Variants in ITPR1 observed in about 807,000 individuals in gnomAD.
ITPR1 encodes the protein inositol 1,4,5-trisphosphate receptor type 1, also known as inositol 1,4,5-trisphosphate-gated calcium channel ITPR1.
A neutral mutation model predicts 318.4 loss-of-function variants in ITPR1; 96 were observed. That is an observed-to-expected ratio of 0.30 (90% CI 0.26 to 0.36). ITPR1 has a LOEUF of 0.36. Among genes scored for constraint, ITPR1 ranks in the 10% least tolerant of loss-of-function variants. The pLI is 1.00. For missense variants in ITPR1, 2,440 were observed against 3,460.2 expected (o/e 0.71, Z 7.40); for synonymous variants, 1,312 against 1,289.9 (o/e 1.02, Z -0.37).
chr3:4,580,730 C>CA (rs2089245712), intron 4 of ITPR1, among the ~76,000 whole-genome samples: 1 of 152,192 alleles, frequency 6.6e-6, no homozygotes, highest in South Asian at 2.1e-4. Context: ...AACAGATCCT[C>CA]AGTGAGCAAG....
chr3:4,753,426 C>G (rs1415111548), intron 44 of ITPR1, among the ~76,000 whole-genome samples: 2 of 152,158 alleles, frequency 1.3e-5, no homozygotes, highest in Non-Finnish European at 2.9e-5. Context: ...CTGCCCTGCT[C>G]TAACCGCTTG....
chr3:4,681,252 G>T lies in ITPR1; in HGVS notation c.3107-112G>T, dbSNP rs936352593. 1.1e-5 allele frequency: 8 copies of T among 723,090 alleles called. No homozygotes were observed. The African/African-American group carries it at 1.4e-4, about 13-fold the overall frequency. 44.8% of individuals were successfully genotyped at this position (723,090 alleles called of 1,614,324 possible). A position where few individuals can be genotyped will look rare whatever the true frequency, so the allele number is the denominator to read the frequency against. On this transcript the variant is annotated intron_variant, in intron 25 of 61. Transcript: ENST00000649015. ...CATAGCTTTGCAATATAATGTTCTG[G>T]GAGATTTGGGGTTAACTCAACAGCT... is the stretch of plus-strand genomic sequence containing the variant.
At chr3:4,671,481 A>G (rs1366981482) in intron 20 of ITPR1, 1 of 152,206 alleles carries the variant, frequency 6.6e-6, no homozygotes, top group Non-Finnish European at 1.5e-5. Context: ...ACACCATAGG[A>G]TTTATTCTAG....
At chr3:4,802,707 T>C (rs2048311600) in intron 54 of ITPR1, among the ~76,000 whole-genome samples, 2 of 152,054 alleles carry the variant, frequency 1.3e-5, no homozygotes, top group East Asian at 1.9e-4. Context: ...TGCATGCTTG[T>C]AATCCCAGCT....
At chr3:4,757,620 G>A (rs1161882148) in intron 44 of ITPR1, among the ~76,000 whole-genome samples, 1 of 152,180 alleles carries the variant, frequency 6.6e-6, no homozygotes, top group Non-Finnish European at 1.5e-5. Context: ...CACTTATTAG[G>A]TGGATGACTC....
At chr3:4,662,399 T>C (rs780094075) in intron 15 of ITPR1, among the ~76,000 whole-genome samples, 157 bp downstream of exon 15, 1 of 152,100 alleles carries the variant, frequency 6.6e-6, no homozygotes, top group Non-Finnish European at 1.5e-5. Flanking sequence ...TTTTAAGAAA[T>C]AGTACTTTTG....
intron 61 of ITPR1, among the ~76,000 whole-genome samples, chr3:4,839,462 C>T (rs2051178307): frequency 6.6e-6 from 1 of 152,186 alleles, no homozygotes; most frequent in African/African-American, 2.4e-5. Context: ...GCAGGAGCTC[C>T]TGATCATCCA....
intron 4 of ITPR1, among the ~76,000 whole-genome samples, chr3:4,603,916 A>T (rs980403357): frequency 6.6e-6 from 1 of 152,218 alleles, no homozygotes; most frequent in Non-Finnish European, 1.5e-5. Flanking sequence ...AGAAATCTCC[A>T]AACTGCTGAA....
intron 60 of ITPR1, among the ~76,000 whole-genome samples, chr3:4,832,617 A>C (rs1292243009): frequency 6.6e-6 from 1 of 152,188 alleles, no homozygotes; most frequent in Admixed American, 6.5e-5. Flanking sequence ...CCTGGGTGAC[A>C]CACCAAGACT....
intron 34 of ITPR1, among the ~76,000 whole-genome samples, chr3:4,699,122 G>A (rs747257421): frequency 2.6e-5 from 4 of 152,004 alleles, no homozygotes; most frequent in African/African-American, 4.8e-5. Context: ...GCCTAGGTGG[G>A]CAGATCCATT....
chr3:4,700,906 C>G (rs1209711478), intron 35 of ITPR1, among the ~76,000 whole-genome samples: 1 of 152,130 alleles, frequency 6.6e-6, no homozygotes, highest in Non-Finnish European at 1.5e-5. Context: ...CTTTATAAAA[C>G]CATCAGATCA....
intron 42 of ITPR1, among the ~76,000 whole-genome samples, chr3:4,728,492 G>C (rs1189038126): frequency 6.6e-6 from 1 of 151,978 alleles, no homozygotes; most frequent in Non-Finnish European, 1.5e-5. Context: ...GTATTTATAG[G>C]GTACATGAGA....
chr3:4,800,102 C>T (rs141606358), intron 53 of ITPR1: 23 of 342,910 alleles, frequency 6.7e-5, no homozygotes, highest in Middle Eastern at 8.1e-4. Flanking sequence ...GCAGGGAGTA[C>T]GGAGGAGGAG....
At chr3:4,806,604 C>A (rs996531279) in intron 55 of ITPR1, among the ~76,000 whole-genome samples, 2 of 152,190 alleles carry the variant, frequency 1.3e-5, no homozygotes, top group Non-Finnish European at 2.9e-5. Context: ...GCCGCACTTA[C>A]ACCAAGAGGA....
At chr3:4,749,934 TC>T (rs1306325888) in intron 44 of ITPR1, 1 of 152,800 alleles carries the variant, frequency 6.5e-6, no homozygotes, top group Non-Finnish European at 1.5e-5. Context: ...GATTTGTGTT[TC>T]CCTGTGCAGT....
At chr3:4,701,841 G>A (rs2094659256) in intron 35 of ITPR1, among the ~76,000 whole-genome samples, 1 of 152,168 alleles carries the variant, frequency 6.6e-6, no homozygotes, top group South Asian at 2.1e-4. Flanking sequence ...GTTTATCAGG[G>A]AGGTTCTGAA....
chr3:4,669,004 A>G (rs987271561), intron 18 of ITPR1, among the ~76,000 whole-genome samples: 2 of 152,056 alleles, frequency 1.3e-5, no homozygotes, highest in Admixed American at 1.3e-4. Flanking sequence ...GCGGGAAGCA[A>G]TTTACAATGT....
In ITPR1 at chr3:4,699,979, A is replaced by G. The variant is rs1287422374; in HGVS notation, c.4536+38A>G. 3.1e-6 allele frequency: 5 copies of G among 1,594,114 alleles called. No homozygotes were observed. The African/African-American group carries it at 5.4e-5, about 17-fold the overall frequency. On this transcript the variant is annotated intron_variant, in intron 35 of 61. Transcript: ENST00000649015. ...CAACGTCAAGCAGAATGTTCACGAT[A>G]CACCTTCTGCAGTTGGGCTTGATGT...
intron 4 of ITPR1, among the ~76,000 whole-genome samples, chr3:4,522,822 C>G (rs763531347): frequency 1.5e-4 from 23 of 152,186 alleles, no homozygotes; most frequent in Non-Finnish European, 3.4e-4. Context: ...TCCCTCCTCC[C>G]TAGGAAGAGA....
Sources: gnomAD v4.1 joint callset for allele counts (sites outside exome capture counted in the v4.1 genomes callset) on GRCh38, gnomAD v4.1.1 for gene constraint, MANE v1.5 for transcripts, NCBI Gene and HGNC (gene_info 2026-07-23, HGNC 2026-07-21) for gene names.